The following AQR variants were observed in gnomAD, a reference collection of about 807,000 sequenced individuals.
AQR encodes the protein RNA helicase aquarius.
In AQR, 61 loss-of-function variants were observed where a neutral mutation model predicts 180.5. That is an observed-to-expected ratio of 0.34 (90% CI 0.28 to 0.42). The LOEUF is 0.42. AQR is among the 10% of genes least tolerant of loss of function. The probability of loss-of-function intolerance (pLI) is 1.00; values close to 1 mark genes in which losing one functional copy is unlikely to be tolerated. For missense variants in AQR, 1,281 were observed against 1,798.3 expected (o/e 0.71, Z 5.20); for synonymous variants, 551 against 588.8 (o/e 0.94, Z 0.93).
chr15:34,913,616 A>G (rs1566988244), intron 16 of AQR, among the ~76,000 whole-genome samples: 2 of 152,206 alleles, frequency 1.3e-5, no homozygotes. Flanking sequence ...AACTCAAAGT[A>G]TTTTTGTTGC....
chr15:34,903,293 T>C (rs1240987279), intron 19 of AQR, among the ~76,000 whole-genome samples: 1 of 152,138 alleles, frequency 6.6e-6, no homozygotes, highest in East Asian at 1.9e-4. Context: ...CCTTTTGGAT[T>C]ATGGTAGGAA....
At chr15:34,882,756 G>T in intron 26 of AQR, 117 bp from the exon 27 acceptor site, 2 of 874,500 alleles carry the variant, frequency 2.3e-6, no homozygotes, top group Non-Finnish European at 3.2e-6. Flanking sequence ...TATAAACTAA[G>T]CCTAATGAAT....
chr15:34,901,830 T>C (rs1231978005), intron 19 of AQR, among the ~76,000 whole-genome samples: 1 of 152,068 alleles, frequency 6.6e-6, no homozygotes, highest in Non-Finnish European at 1.5e-5. Context: ...CCCACAAGAG[T>C]AGGGATCTAG....
rs557733558 is a variant in AQR at position 34,932,010 on chromosome 15, G to A, written c.900+308C>T. Among the ~76,000 whole-genome samples, 7 of 152,180 alleles carry A rather than the reference G, an allele frequency of 4.6e-5. No individual in the cohort carries two copies. The East Asian group carries it at 1.2e-3, about 25-fold the overall frequency. On this transcript the variant is annotated intron_variant, in intron 11 of 34. Transcript: ENST00000156471. The stretch of plus-strand genomic sequence containing the variant: ...TTATAGAAAGAGTCATACTATTGGG[G>A]CACAGTTCATTTAAAATTAATGCTC...
rs2080416570 is a variant in AQR at position 34,855,916 on chromosome 15, C to T, written c.*876G>A. The T allele has an allele frequency of 6.6e-6, 1 of 152,092 alleles. No individual in the cohort carries two copies. The highest frequency in any genetic ancestry group is 1.5e-5 in the Non-Finnish European group (1 of 68,026). The allele number at this position is 152,092 out of a possible 1,614,324, so 9.4% of individuals were successfully genotyped here. On this transcript the variant is annotated 3_prime_UTR_variant, in exon 35 of 35. Transcript: ENST00000156471. ...GAAGGTCTCCTTGTGGCTGGTTATC[C>T]CAAGAAAAATAAGGCAGAAAACTCA... is the stretch of plus-strand genomic sequence containing the variant.
At chr15:34,927,824 G>T (rs1893788588) in intron 12 of AQR, among the ~76,000 whole-genome samples, 1 of 152,204 alleles carries the variant, frequency 6.6e-6, no homozygotes, top group Non-Finnish European at 1.5e-5. Flanking sequence ...GAGTGAGCTT[G>T]CCATGGGATT....
intron 32 of AQR, among the ~76,000 whole-genome samples, chr15:34,865,145 C>T (rs1892723662): frequency 6.6e-6 from 1 of 152,154 alleles, no homozygotes; most frequent in East Asian, 1.9e-4. Context: ...TTTCTTAGTC[C>T]CCAGAAGATG....
intron 20 of AQR, among the ~76,000 whole-genome samples, chr15:34,898,302 C>T (rs948215152): frequency 6.6e-6 from 1 of 152,214 alleles, no homozygotes; most frequent in Non-Finnish European, 1.5e-5. Flanking sequence ...AGTCAATGAA[C>T]TCCCTAAAAT....
At chr15:34,915,907 T>C (rs932269399) in intron 15 of AQR, among the ~76,000 whole-genome samples, 1 of 151,230 alleles carries the variant, frequency 6.6e-6, no homozygotes, top group Non-Finnish European at 1.5e-5. Flanking sequence ...GATCATGTCC[T>C]TGCACTCCAG....
chr15:34,886,255 G>A (rs1893057806), intron 25 of AQR, among the ~76,000 whole-genome samples: 1 of 152,086 alleles, frequency 6.6e-6, no homozygotes, highest in African/African-American at 2.4e-5. Context: ...AAAAAAGAGT[G>A]ACTAGAACTT....
intron 33 of AQR, among the ~76,000 whole-genome samples, chr15:34,861,210 GAAGT>G (rs1276827925): frequency 6.6e-6 from 1 of 152,196 alleles, no homozygotes; most frequent in Non-Finnish European, 1.5e-5. Flanking sequence ...ACATTTCTCA[GAAGT>G]AAGCAGGATG....
chr15:34,892,915 C>T (rs1466304906), intron 23 of AQR, among the ~76,000 whole-genome samples: 2 of 152,164 alleles, frequency 1.3e-5, no homozygotes, highest in African/African-American at 4.8e-5. Flanking sequence ...TTCACACCAT[C>T]ATAAAGTCAA....
Position 34,862,875 on chromosome 15 carries a change from T to C in AQR, c.4021A>G (p.Thr1341Ala), listed in dbSNP as rs2140458013. 1.2e-6 allele frequency: 2 copies of C among 1,613,406 alleles called. No homozygotes were observed. The highest frequency in any genetic ancestry group is 2.2e-5 in the East Asian group (1 of 44,864). The change falls in exon 33 of 35, where the codon ACT becomes GCT. Residue 1341 changes from threonine (T) to alanine (A), a missense_variant. Transcript: ENST00000156471. ...GAAGAAAGAAGTCCTACCTTTCTAG[T>C]AGTTGGGAAAGGTTCTGTTGGAATT... The part of the protein sequence containing the change: ...HIIPTEPFPT[T>A]RKNGERPSHE...
Position 34,960,785 on chromosome 15 carries a change from A to G in AQR, c.162T>C (p.Ile54=), listed in dbSNP as rs773283173. The G allele has an allele frequency of 1.4e-5, 13 of 928,064 alleles. No homozygotes were observed. The East Asian group carries it at 3.3e-4, about 24-fold the overall frequency. The allele number at this position is 928,064 out of a possible 1,614,324, so 57.5% of individuals were successfully genotyped here. The part of the protein sequence containing the change: ...KVIEDIYEKE[I]VKSRFAIRKI... ...AAATTCATTCCTACCTTGATTTGAC[A>G]ATCTCTTTTTCATATATATCTTCAA... Residue 54 remains isoleucine (I), a synonymous_variant, in exon 3 of 35, where the codon ATT becomes ATC. Coordinates refer to ENST00000156471, the MANE Select transcript of AQR (RefSeq NM_014691.3).
intron 12 of AQR, 52 bp downstream of exon 12, chr15:34,930,206 A>G: frequency 9.1e-7 from 1 of 1,093,094 alleles, no homozygotes; most frequent in East Asian, 2.4e-5. Flanking sequence ...CCTAAATTGC[A>G]GTATGATAAA....
intron 9 of AQR, among the ~76,000 whole-genome samples, chr15:34,936,247 T>C (rs1276916647): frequency 6.6e-6 from 1 of 152,204 alleles, no homozygotes; most frequent in Admixed American, 6.5e-5. Flanking sequence ...AATGACCCTA[T>C]TTTAAAAAGG....
intron 15 of AQR, among the ~76,000 whole-genome samples, chr15:34,915,522 T>C (rs1176658280): frequency 6.6e-6 from 1 of 152,086 alleles, no homozygotes; most frequent in Non-Finnish European, 1.5e-5. Flanking sequence ...ATTTGTTCTC[T>C]GTATTAAAAA....
intron 27 of AQR, 35 bp downstream of exon 27, chr15:34,882,465 TAA>T (rs34949352): frequency 7.8e-4 from 931 of 1,197,524 alleles, no homozygotes; most frequent in South Asian, 3.0e-3. Context: ...CTGATAATCT[TAA>T]AAAAAAAAAA....
chr15:34,938,789 A>G lies in AQR; in HGVS notation c.666T>C (p.Leu222=). ...AGATAAACTTCTGGATGAGTTGTGA[A>G]AGAAATCTCCTCTCTTGATATGCCC... ...REQAYQERRF[L]SQLIQKFISV... The change falls in exon 9 of 35, where the codon CTT becomes CTC. Residue 222 remains leucine (L), a synonymous_variant. Transcript: ENST00000156471. 1 of 1,609,634 alleles carries G rather than the reference A, an allele frequency of 6.2e-7. No homozygotes were observed. Among genetic ancestry groups the G allele is most frequent in the Non-Finnish European group, 8.5e-7 (1 of 1,176,850 alleles).
Sources: allele counts gnomAD v4.1 joint callset (sites outside exome capture counted in the v4.1 genomes callset), GRCh38; gene constraint gnomAD v4.1.1; transcripts MANE v1.5; gene names NCBI Gene and HGNC (gene_info 2026-07-23, HGNC 2026-07-21).